RCAN1: variants seen among roughly 807,000 people sequenced by gnomAD.
RCAN1 encodes the protein regulator of calcineurin 1.
A neutral mutation model predicts 22.9 loss-of-function variants in RCAN1; 11 were observed. The observed-to-expected ratio is 0.48, with a 90% CI of 0.30 to 0.79. RCAN1 has a LOEUF of 0.79. Among genes scored for constraint, RCAN1 ranks in the 30% least tolerant of loss-of-function variants. The probability of loss-of-function intolerance (pLI) is 0.06; values close to 1 mark genes in which losing one functional copy is unlikely to be tolerated. For missense variants in RCAN1, 291 were observed against 337.8 expected (o/e 0.86, Z 1.09); for synonymous variants, 136 against 142.3 (o/e 0.96, Z 0.32).
chr21:34,587,303 A>ATTCTCAAAATGTTTT (rs1381617274), intron 1 of RCAN1, among the ~76,000 whole-genome samples: 1 of 152,184 alleles, frequency 6.6e-6, no homozygotes, highest in African/African-American at 2.4e-5. Flanking sequence ...AATTAAAAAC[A>ATTCTCAAAATGTTTT]TTCTCAAAAG....
intron 3 of RCAN1, among the ~76,000 whole-genome samples, chr21:34,519,403 T>TC (rs1984319179): frequency 7.0e-6 from 1 of 142,144 alleles, no homozygotes; most frequent in African/African-American, 2.6e-5. Flanking sequence ...CTTTCTTTTT[T>TC]TTTTTTTTTT....
intron 1 of RCAN1, among the ~76,000 whole-genome samples, chr21:34,589,037 G>A (rs778041882): frequency 2.0e-5 from 3 of 152,142 alleles, no homozygotes; most frequent in South Asian, 2.1e-4. Flanking sequence ...GATGTTTGAC[G>A]GATACAGAGT....
chr21:34,610,900 T>C (rs1988669617), intron 1 of RCAN1, among the ~76,000 whole-genome samples: 1 of 152,210 alleles, frequency 6.6e-6, no homozygotes, highest in Non-Finnish European at 1.5e-5. Flanking sequence ...TTAGGTGAGT[T>C]GTTTTTGTTT....
At chr21:34,573,892 G>A (rs1281958389) in intron 1 of RCAN1, among the ~76,000 whole-genome samples, 2 of 152,080 alleles carry the variant, frequency 1.3e-5, no homozygotes, top group Admixed American at 6.5e-5. Context: ...TTAGAAAACC[G>A]TCAAAATTAT....
chr21:34,613,040 G>C (rs1988724247), intron 1 of RCAN1, among the ~76,000 whole-genome samples: 1 of 152,204 alleles, frequency 6.6e-6, no homozygotes, highest in South Asian at 2.1e-4. Flanking sequence ...CTCCATGAAA[G>C]CAAGGAGCTT....
chr21:34,559,946 C>T (rs867148989), intron 1 of RCAN1: 1 of 152,160 alleles, frequency 6.6e-6, no homozygotes, highest in Non-Finnish European at 1.5e-5. Context: ...TTCAGGTACA[C>T]TGACATGCCT....
At chr21:34,612,216 C>G (rs1481436546) in intron 1 of RCAN1, among the ~76,000 whole-genome samples, 1 of 152,192 alleles carries the variant, frequency 6.6e-6, no homozygotes, top group East Asian at 1.9e-4. Context: ...CCATTCTCCA[C>G]CAAGATGTGC....
intron 1 of RCAN1, among the ~76,000 whole-genome samples, chr21:34,585,847 T>C (rs1179775269): frequency 7.5e-6 from 1 of 132,488 alleles, no homozygotes; most frequent in South Asian, 2.4e-4. Context: ...TGACAGGAAA[T>C]AGAAGGATGG....
chr21:34,568,158 T>C (rs1987100065), intron 1 of RCAN1, among the ~76,000 whole-genome samples: 1 of 152,230 alleles, frequency 6.6e-6, no homozygotes, highest in East Asian at 1.9e-4. Context: ...CATTGAAAGC[T>C]GACCTCTGCT....
chr21:34,575,178 C>T (rs1479483122), intron 1 of RCAN1, among the ~76,000 whole-genome samples: 1 of 152,232 alleles, frequency 6.6e-6, no homozygotes, highest in Non-Finnish European at 1.5e-5. Flanking sequence ...GGTCAGGAGC[C>T]TCTGTCTGCA....
intron 1 of RCAN1, among the ~76,000 whole-genome samples, chr21:34,598,297 TATTA>T: frequency 6.6e-6 from 1 of 152,226 alleles, no homozygotes; most frequent in Non-Finnish European, 1.5e-5. Flanking sequence ...CAATTCACTG[TATTA>T]ATTGTTAAAT....
chr21:34,572,265 C>T (rs1601188005), intron 1 of RCAN1, among the ~76,000 whole-genome samples: 2 of 152,206 alleles, frequency 1.3e-5, no homozygotes, highest in East Asian at 1.9e-4. Flanking sequence ...CTGGACTCAT[C>T]CACATGCCTT....
At chr21:34,612,480 C>T (rs1988709494) in intron 1 of RCAN1, among the ~76,000 whole-genome samples, 2 of 152,218 alleles carry the variant, frequency 1.3e-5, no homozygotes, top group South Asian at 2.1e-4. Context: ...CTGGGCCACT[C>T]CATCTAAAGT....
intron 1 of RCAN1, among the ~76,000 whole-genome samples, chr21:34,563,770 A>G (rs13052420): frequency 1.5e-5 from 1 of 65,476 alleles, no homozygotes; most frequent in Non-Finnish European, 2.6e-5. Context: ...AAAAAAAAAA[A>G]ATATATATAT....
At chr21:34,571,005 A>G (rs1987216259) in intron 1 of RCAN1, among the ~76,000 whole-genome samples, 1 of 152,168 alleles carries the variant, frequency 6.6e-6, no homozygotes, top group African/African-American at 2.4e-5. Flanking sequence ...AAACAAATGA[A>G]ACATGTGGCC....
At chr21:34,592,710 ATC>A (rs139480137) in intron 1 of RCAN1, among the ~76,000 whole-genome samples, 4,177 of 152,188 alleles carry the variant, frequency 0.027, 163 homozygotes, top group South Asian at 0.11. Context: ...GAACCCAATC[ATC>A]TGTTTCTTGT....
chr21:34,554,683 T>C (rs974646386), intron 1 of RCAN1, among the ~76,000 whole-genome samples: 17 of 152,284 alleles, frequency 1.1e-4, no homozygotes, highest in Middle Eastern at 3.4e-3. Context: ...TGAGTTTAGA[T>C]AAATAGATGT....
At chr21:34,612,238 C>T (rs577442857) in intron 1 of RCAN1, among the ~76,000 whole-genome samples, 2 of 152,354 alleles carry the variant, frequency 1.3e-5, no homozygotes, top group Non-Finnish European at 2.9e-5. Flanking sequence ...ATTAGAATCA[C>T]ACCTGAATCC....
chr21:34,518,390 A>T lies in RCAN1; in HGVS notation c.587-134T>A, dbSNP rs1225700227. ...CGATTGGGCTGAGAGACACAGCCAG[A>T]CATATTTTGGGTTTGTATTTCTTTG... On this transcript the variant is annotated intron_variant, in intron 3 of 3. Coordinates refer to ENST00000313806, the MANE Select transcript of RCAN1 (RefSeq NM_004414.7). This position sits in a 1 kb window ranked among gnomAD's most constrained non-coding sequence, Gnocchi z 4.2. The T allele has an allele frequency of 1.1e-6, 1 of 906,064 alleles. No individual in the cohort carries two copies. Among genetic ancestry groups the T allele is most frequent in the Non-Finnish European group, 1.6e-6 (1 of 613,264 alleles). 56.1% of individuals were successfully genotyped at this position (906,064 alleles called of 1,614,324 possible). A position where few individuals can be genotyped will look rare whatever the true frequency, so the allele number is the denominator to read the frequency against.
Sources: gnomAD v4.1 joint callset for allele counts (sites outside exome capture counted in the v4.1 genomes callset) on GRCh38, gnomAD v4.1.1 for gene constraint, Gnocchi (gnomAD v3.1) non-coding constraint, MANE v1.5 for transcripts, NCBI Gene and HGNC (gene_info 2026-07-23, HGNC 2026-07-21) for gene names.